RHBDD1: variants seen among roughly 807,000 people sequenced by gnomAD.
RHBDD1 encodes rhomboid domain containing 1.
In RHBDD1, 38 loss-of-function variants were observed where a neutral mutation model predicts 36.3. That is an observed-to-expected ratio of 1.05 (90% CI 0.81 to 1.37). RHBDD1 has a LOEUF of 1.37. Ranked by LOEUF, RHBDD1 falls within the 40% of genes most tolerant of loss-of-function variation. RHBDD1 has a pLI of 0.00. For synonymous variants in RHBDD1, 151 were observed against 136.5 expected, an observed-to-expected ratio of 1.11 and a Z score of -0.74; for missense variants, 393 against 377.6, an observed-to-expected ratio of 1.04 and a Z score of -0.34.
At chr2:226,900,006 GTGC>G (rs1260161825) in intron 5 of RHBDD1, among the ~76,000 whole-genome samples, 1 of 152,168 alleles carries the variant, frequency 6.6e-6, no homozygotes, top group Non-Finnish European at 1.5e-5. Flanking sequence ...CTTTGGTTTG[GTGC>G]TGATGTCTGA....
At chr2:226,802,291 A>G in the RHBDD1 span, among the ~76,000 whole-genome samples, 1 of 152,212 alleles carries the variant, frequency 6.6e-6, no homozygotes. Flanking sequence ...CACTGCTGTG[A>G]CAAATTATGT....
intron 3 of RHBDD1, among the ~76,000 whole-genome samples, chr2:226,848,986 TATCA>T (rs993178627): frequency 3.9e-5 from 6 of 152,216 alleles, no homozygotes; most frequent in East Asian, 1.9e-4. Flanking sequence ...TTAGAATAAC[TATCA>T]ATCAGTAGCA....
At chr2:226,950,360 A>G (rs528031818) in intron 8 of RHBDD1, among the ~76,000 whole-genome samples, 6 of 152,352 alleles carry the variant, frequency 3.9e-5, no homozygotes, top group South Asian at 2.1e-4. Flanking sequence ...GTTGTTGGAA[A>G]TGACAACATG....
intron 8 of RHBDD1, among the ~76,000 whole-genome samples, chr2:226,994,438 C>T (rs897837883): frequency 6.6e-6 from 1 of 152,148 alleles, no homozygotes; most frequent in Non-Finnish European, 1.5e-5. Context: ...AGAGTTCTTC[C>T]ATTGGTTCTA....
chr2:226,860,168 A>G (rs1359078176), intron 3 of RHBDD1, among the ~76,000 whole-genome samples: 1 of 152,112 alleles, frequency 6.6e-6, no homozygotes, highest in African/African-American at 2.4e-5. Flanking sequence ...GGTGGGGTGC[A>G]TGAGAGGAGG....
chr2:226,947,045 A>T (rs1402859406), intron 8 of RHBDD1, among the ~76,000 whole-genome samples: 1 of 152,200 alleles, frequency 6.6e-6, no homozygotes, highest in African/African-American at 2.4e-5. Flanking sequence ...AACTCTCAAT[A>T]AACTAGGTAT....
At chr2:226,989,488 G>A (rs1375353285) in intron 8 of RHBDD1, among the ~76,000 whole-genome samples, 1 of 152,214 alleles carries the variant, frequency 6.6e-6, no homozygotes, top group Non-Finnish European at 1.5e-5. Context: ...GGTCTCACAT[G>A]TCCAGTTTGT....
chr2:226,914,868 G>A (rs1251351376), intron 8 of RHBDD1, among the ~76,000 whole-genome samples: 2 of 152,056 alleles, frequency 1.3e-5, no homozygotes, highest in African/African-American at 2.4e-5. Context: ...TTTATAAACC[G>A]ATATCTGAAA....
In RHBDD1 at chr2:226,996,976, T is replaced by G. The variant is rs1959528043; in HGVS notation, c.*1454T>G. ...GAGGTACCCAGGGTTAACATTTTGG[T>G]GGTATTGTCTTATCAATTTTTCCGT... On this transcript the variant is annotated 3_prime_UTR_variant, in exon 9 of 9. Coordinates refer to ENST00000392062, the MANE Select transcript of RHBDD1 (RefSeq NM_001167608.3). The G allele has an allele frequency of 2.6e-5, 4 of 152,182 alleles. No individual in the cohort carries two copies. The highest frequency in any genetic ancestry group is 9.7e-5 in the African/African-American group (4 of 41,436). 9.4% of individuals were successfully genotyped at this position (152,182 alleles called of 1,614,324 possible).
At chr2:226,857,709 T>A (rs937314261) in intron 3 of RHBDD1, among the ~76,000 whole-genome samples, 3 of 152,188 alleles carry the variant, frequency 2.0e-5, no homozygotes, top group African/African-American at 7.2e-5. Context: ...TTCATGTAGA[T>A]GAAATGTCCA....
chr2:226,951,567 G>A (rs1356222154), intron 8 of RHBDD1, among the ~76,000 whole-genome samples: 1 of 152,160 alleles, frequency 6.6e-6, no homozygotes, highest in Non-Finnish European at 1.5e-5. Flanking sequence ...TCACTGTAGA[G>A]TTCATGATTG....
At chr2:226,988,608 GC>G (rs1957516871) in intron 8 of RHBDD1, 1 of 1,354,156 alleles carries the variant, frequency 7.4e-7, no homozygotes, top group Non-Finnish European at 9.5e-7. Context: ...GGCTCCAGCT[GC>G]CCCTCCGAGC....
intron 8 of RHBDD1, among the ~76,000 whole-genome samples, chr2:226,947,036 A>G (rs143593700): frequency 3.9e-5 from 6 of 152,148 alleles, no homozygotes; most frequent in East Asian, 1.9e-4. Context: ...CATGTTAACA[A>G]CTCTCAATAA....
Position 226,922,202 on chromosome 2 carries a change from C to CTTTTTTT in RHBDD1, c.856+7868_856+7874dup, listed in dbSNP as rs1017204610. On this transcript the variant is annotated intron_variant, in intron 8 of 8. Transcript: ENST00000392062. ...TCCACTGGAATTAAGTATCTTTTTCCTTTTTTTTTTTTTTTTTTTTTTTGA... is the reference window on the plus strand; with the variant it reads ...TCCACTGGAATTAAGTATCTTTTTCCTTTTTTTTTTTTTTTTTTTTTTTTTTTTTTGA... Among the ~76,000 whole-genome samples, 97 of 105,018 alleles carry CTTTTTTT rather than the reference C, an allele frequency of 9.2e-4. 1 individual carries two copies. The highest frequency in any genetic ancestry group is 1.3e-3 in the African/African-American group (34 of 26,188). The allele number at this position is 105,018 out of a possible 152,430, so 68.9% of individuals were successfully genotyped here. A position where few individuals can be genotyped will look rare whatever the true frequency, so the allele number is the denominator to read the frequency against.
intron 5 of RHBDD1, among the ~76,000 whole-genome samples, chr2:226,901,501 A>G (rs903843461): frequency 3.9e-5 from 6 of 152,332 alleles, no homozygotes; most frequent in Admixed American, 1.3e-4. Flanking sequence ...ATTCCCACCA[A>G]CAATGTATCA....
intron 3 of RHBDD1, among the ~76,000 whole-genome samples, chr2:226,845,098 A>AT (rs534012624): frequency 6.2e-4 from 94 of 152,008 alleles, no homozygotes; most frequent in African/African-American, 2.1e-3. Flanking sequence ...CTGGTTTGAG[A>AT]TTTTACATAA....
the RHBDD1 span, among the ~76,000 whole-genome samples, chr2:226,809,825 A>G: frequency 7.5e-4 from 114 of 152,356 alleles, no homozygotes; most frequent in African/African-American, 2.6e-3. Context: ...AACTATTTTA[A>G]AAGACTAATG....
intron 3 of RHBDD1, among the ~76,000 whole-genome samples, chr2:226,842,662 A>G (rs1296406646): frequency 1.3e-5 from 2 of 152,184 alleles, no homozygotes; most frequent in Non-Finnish European, 2.9e-5. Context: ...TTCTTGTACC[A>G]GTACCATGCT....
At chr2:226,901,670 A>T (rs1390276466) in intron 5 of RHBDD1, among the ~76,000 whole-genome samples, 1 of 152,144 alleles carries the variant, frequency 6.6e-6, no homozygotes, top group East Asian at 1.9e-4. Context: ...TTGCCCATTC[A>T]TATCAAAGGA....
Sources: allele counts gnomAD v4.1 joint callset (sites outside exome capture counted in the v4.1 genomes callset), GRCh38; gene constraint gnomAD v4.1.1; transcripts MANE v1.5; gene names NCBI Gene and HGNC (gene_info 2026-07-23, HGNC 2026-07-21).